The following PTPRD variants were observed in gnomAD, a reference collection of about 807,000 sequenced individuals.
The protein encoded by PTPRD is receptor-type tyrosine-protein phosphatase delta.
Under a neutral mutation model 214.5 loss-of-function variants are expected in PTPRD, and 34 were observed. The ratio of observed to expected loss-of-function variants is 0.16; its 90% CI spans 0.12 to 0.21. PTPRD has a LOEUF of 0.21. PTPRD is among the 10% of genes least tolerant of loss of function. The pLI, the probability that PTPRD is intolerant of heterozygous loss-of-function variation, is 1.00. For synonymous variants in PTPRD, 1,128 were observed against 845.7 expected, an observed-to-expected ratio of 1.33 and a Z score of -5.79; for missense variants, 2,545 against 2,398.7, an observed-to-expected ratio of 1.06 and a Z score of -1.27.
At chr9:9,474,656 C>T (rs566376539) in intron 8 of PTPRD, among the ~76,000 whole-genome samples, 2 of 147,844 alleles carry the variant, frequency 1.4e-5, no homozygotes, top group East Asian at 4.0e-4. Context: ...ACATATTTTG[C>T]TTCATTAGTT....
At chr9:8,332,882 C>T (rs1176349759) in intron 43 of PTPRD, among the ~76,000 whole-genome samples, 1 of 152,196 alleles carries the variant, frequency 6.6e-6, no homozygotes, top group African/African-American at 2.4e-5. Flanking sequence ...ACTTGTTCCT[C>T]CATTGTTTCT....
rs532034341 is a variant in PTPRD at position 8,939,519 on chromosome 9, T to C, written c.-104+79178A>G. On this transcript the variant is annotated intron_variant, in intron 11 of 45. Transcript: ENST00000381196. ...AACTATGTAAATAAAATGTATAGCA[T>C]TGCTGCAGACAATATTTATTTTAGC... Among the ~76,000 whole-genome samples the C allele has an allele frequency of 3.9e-5, 6 of 152,322 alleles. No individual in the cohort carries two copies. In the East Asian group the frequency reaches 1.2e-3, roughly 29 times the overall value.
At chr9:9,450,042 A>G (rs7025743) in intron 8 of PTPRD, among the ~76,000 whole-genome samples, 129,941 of 151,776 alleles carry the variant, frequency 0.86, 55,742 homozygotes, top group Middle Eastern at 0.95. Flanking sequence ...CTCCAACCAA[A>G]GCGCTGCAAA....
intron 3 of PTPRD, among the ~76,000 whole-genome samples, chr9:10,089,205 C>CT (rs2098399767): frequency 2.2e-5 from 1 of 45,534 alleles, no homozygotes; most frequent in African/African-American, 9.8e-5. Context: ...GAATCAGTCT[C>CT]AAAATAAATA....
intron 4 of PTPRD, among the ~76,000 whole-genome samples, chr9:9,973,026 A>G (rs2095199794): frequency 6.6e-6 from 1 of 152,156 alleles, no homozygotes; most frequent in African/African-American, 2.4e-5. Flanking sequence ...AGAAGGAGGG[A>G]ACACATTAAA....
intron 3 of PTPRD, among the ~76,000 whole-genome samples, chr9:10,316,873 A>G (rs2096448263): frequency 6.6e-6 from 1 of 151,990 alleles, no homozygotes; most frequent in Non-Finnish European, 1.5e-5. Flanking sequence ...TAAGAAGCTA[A>G]CAATTTACAC....
intron 4 of PTPRD, among the ~76,000 whole-genome samples, chr9:9,949,213 T>G (rs2093167820): frequency 6.6e-6 from 1 of 152,112 alleles, no homozygotes; most frequent in South Asian, 2.1e-4. Context: ...AGTTTCTCAT[T>G]TTTTATATTT....
chr9:9,788,468 C>T (rs1197635145), intron 5 of PTPRD, among the ~76,000 whole-genome samples: 1 of 147,158 alleles, frequency 6.8e-6, no homozygotes, highest in East Asian at 2.0e-4. Flanking sequence ...AGGAGAATGG[C>T]ATGAACCCGG....
chr9:9,723,951 A>G (rs975833025), intron 7 of PTPRD, among the ~76,000 whole-genome samples: 4 of 152,064 alleles, frequency 2.6e-5, no homozygotes, highest in African/African-American at 7.2e-5. Context: ...TGTAATCTAG[A>G]GATAGAGATT....
intron 2 of PTPRD, among the ~76,000 whole-genome samples, chr9:10,539,952 T>G (rs576529209): frequency 6.6e-6 from 1 of 152,344 alleles, no homozygotes; most frequent in East Asian, 1.9e-4. Flanking sequence ...AGCAATGTTT[T>G]AAATACTTCT....
chr9:8,625,383 C>A (rs963563180), intron 14 of PTPRD, among the ~76,000 whole-genome samples: 1 of 151,680 alleles, frequency 6.6e-6, no homozygotes, highest in Non-Finnish European at 1.5e-5. Flanking sequence ...CAGTTACCCA[C>A]GTAATTAAAC....
chr9:10,199,784 T>C (rs2099412231), intron 3 of PTPRD, among the ~76,000 whole-genome samples: 1 of 151,960 alleles, frequency 6.6e-6, no homozygotes, highest in East Asian at 1.9e-4. Flanking sequence ...GCACATTGGT[T>C]CATGTTTTTG....
chr9:10,435,004 G>C (rs1182982118), intron 2 of PTPRD, among the ~76,000 whole-genome samples: 1 of 151,846 alleles, frequency 6.6e-6, no homozygotes, highest in Non-Finnish European at 1.5e-5. Flanking sequence ...AAACTCTCAA[G>C]AGAGCAAATA....
chr9:9,884,967 C>T (rs60188068), intron 5 of PTPRD, among the ~76,000 whole-genome samples: 2,472 of 152,022 alleles, frequency 0.016, 68 homozygotes, highest in African/African-American at 0.057. Context: ...AGTGTGAGAA[C>T]GGACTAATAC....
At chr9:9,165,580 C>T (rs939489413) in intron 10 of PTPRD, among the ~76,000 whole-genome samples, 2 of 152,148 alleles carry the variant, frequency 1.3e-5, no homozygotes, top group South Asian at 2.1e-4. Flanking sequence ...AGGGTCTGTA[C>T]ATCATACTAT....
intron 7 of PTPRD, among the ~76,000 whole-genome samples, chr9:9,627,174 G>A (rs556425642): frequency 6.6e-6 from 1 of 152,092 alleles, no homozygotes; most frequent in African/African-American, 2.4e-5. Flanking sequence ...AATTAGCCAG[G>A]TGTACATCTG....
intron 9 of PTPRD, among the ~76,000 whole-genome samples, chr9:9,395,600 G>C (rs147230056): frequency 2.8e-4 from 42 of 152,094 alleles, no homozygotes; most frequent in Non-Finnish European, 5.1e-4. Context: ...TTGTACCAGT[G>C]GACCAGTGGC....
intron 12 of PTPRD, among the ~76,000 whole-genome samples, chr9:8,660,593 A>C (rs2097021942): frequency 6.6e-6 from 1 of 152,062 alleles, no homozygotes; most frequent in Admixed American, 6.6e-5. Context: ...CCCTCAGTGA[A>C]CTTCTCCTTT....
rs754848045 is a variant in PTPRD, at chr9:8,486,304, G to C, written c.2513C>G (p.Thr838Ser). The C allele has an allele frequency of 6.2e-7, 1 of 1,614,194 alleles. No individual in the cohort carries two copies. Among genetic ancestry groups the C allele is most frequent in the Non-Finnish European group, 8.5e-7 (1 of 1,180,026 alleles). ...CGGAGGGTGCCACTGAATAAGAGCAGTATTCATCTGAGTGTGGTTAATCAC... is the reference window on the plus strand; with the variant it reads ...CGGAGGGTGCCACTGAATAAGAGCACTATTCATCTGAGTGTGGTTAATCAC... ...RLVINHTQMN[T>S]ALIQWHPPVD... Residue 838 changes from threonine (T) to serine (S), a missense_variant, in exon 28 of 46, where the codon ACT becomes AGT. Transcript: ENST00000381196.
Sources: gnomAD v4.1 joint callset for allele counts (sites outside exome capture counted in the v4.1 genomes callset) on GRCh38, gnomAD v4.1.1 for gene constraint, MANE v1.5 for transcripts, NCBI Gene and HGNC (gene_info 2026-07-23, HGNC 2026-07-21) for gene names.